PLCB4: variants seen among roughly 807,000 people sequenced by gnomAD.
PLCB4 encodes the protein 1-phosphatidylinositol 4,5-bisphosphate phosphodiesterase beta-4.
A neutral mutation model predicts 178.8 loss-of-function variants in PLCB4; 77 were observed. That is an observed-to-expected ratio of 0.43 (90% CI 0.36 to 0.52). PLCB4 has a LOEUF of 0.52. Ranked by LOEUF, PLCB4 falls within the 20% of genes least tolerant of loss-of-function variation. The pLI is 0.00. For synonymous variants in PLCB4, 496 were observed against 490.8 expected (o/e 1.01, Z -0.14); for missense variants, 1,024 against 1,453.4 (o/e 0.70, Z 4.80).
chr20:9,252,850 C>A (rs553279050), intron 3 of PLCB4, among the ~76,000 whole-genome samples: 16 of 152,210 alleles, frequency 1.1e-4, no homozygotes, highest in African/African-American at 3.4e-4. Context: ...GGTTCTCAGG[C>A]CTTTGCACTT....
At chr20:9,456,037 T>C (rs2276482) in intron 33 of PLCB4, among the ~76,000 whole-genome samples, 30,299 of 152,134 alleles carry the variant, frequency 0.2, 3,276 homozygotes, top group East Asian at 0.36. Context: ...GGTTTCACCA[T>C]GTTGGCCAGG....
At chr20:9,169,174 CTTTAT>C (rs1256247512) in intron 2 of PLCB4, among the ~76,000 whole-genome samples, 1 of 152,146 alleles carries the variant, frequency 6.6e-6, no homozygotes, top group Non-Finnish European at 1.5e-5. Flanking sequence ...AATATAGAAA[CTTTAT>C]TTGTGAGGAG....
intron 25 of PLCB4, 54 bp downstream of exon 25, chr20:9,411,142 G>T: frequency 8.5e-7 from 1 of 1,180,670 alleles, no homozygotes. Context: ...CCATACTACA[G>T]CTCTAATGAA....
chr20:9,413,696 T>C (rs2040035031), intron 25 of PLCB4, among the ~76,000 whole-genome samples: 1 of 151,390 alleles, frequency 6.6e-6, no homozygotes, highest in South Asian at 2.1e-4. Context: ...AATCCTATGT[T>C]GTTTGTTTTT....
chr20:9,082,565 G>C (rs1016725433), intron 1 of PLCB4, among the ~76,000 whole-genome samples: 1 of 152,152 alleles, frequency 6.6e-6, no homozygotes, highest in African/African-American at 2.4e-5. Flanking sequence ...TTAATTATTA[G>C]ATATATCATT....
chr20:9,240,912 A>G (rs1011993065), intron 3 of PLCB4, among the ~76,000 whole-genome samples: 2 of 152,090 alleles, frequency 1.3e-5, no homozygotes, highest in African/African-American at 4.8e-5. Context: ...CATGGTACAC[A>G]CCAGAACTTT....
intron 7 of PLCB4, among the ~76,000 whole-genome samples, chr20:9,349,408 AT>A (rs1414644431): frequency 2.0e-5 from 3 of 152,180 alleles, no homozygotes; most frequent in Non-Finnish European, 2.9e-5. Context: ...GCATTTTATT[AT>A]ATGAATTTTC....
chr20:9,271,404 A>T lies in PLCB4; in HGVS notation c.-15-36396A>T, dbSNP rs183757241. 3.3e-5 allele frequency among the ~76,000 whole-genome samples: 5 copies of T among 152,266 alleles called. No individual in the cohort carries two copies. The East Asian group carries it at 9.7e-4, about 29-fold the overall frequency. On this transcript the variant is annotated intron_variant, in intron 3 of 39. Coordinates refer to ENST00000378473, the MANE Select transcript of PLCB4 (RefSeq NM_001377142.1). ...TTAACAGTTAAGGAAGCTGAAGTTG[A>T]AAGAAGTTAGTTACCATTCCCAGGA...
chr20:9,204,689 T>C (rs1367138079), intron 2 of PLCB4, among the ~76,000 whole-genome samples: 1 of 152,056 alleles, frequency 6.6e-6, no homozygotes, highest in Admixed American at 6.6e-5. Flanking sequence ...TATGAACCAG[T>C]GACGTAAGAA....
chr20:9,077,188 G>C (rs541520054), intron 1 of PLCB4, among the ~76,000 whole-genome samples: 2 of 152,110 alleles, frequency 1.3e-5, no homozygotes, highest in Non-Finnish European at 2.9e-5. Flanking sequence ...TTGATAGTAC[G>C]GATGTACTGT....
chr20:9,128,775 A>G (rs947142217), intron 2 of PLCB4, among the ~76,000 whole-genome samples: 4 of 152,152 alleles, frequency 2.6e-5, no homozygotes, highest in African/African-American at 9.7e-5. Context: ...CATCTCCAGA[A>G]CTTTTTCATT....
chr20:9,333,305 A>T (rs2031970595), intron 4 of PLCB4, among the ~76,000 whole-genome samples: 7 of 152,100 alleles, frequency 4.6e-5, no homozygotes, highest in African/African-American at 1.7e-4. Context: ...CAGTCAGTAA[A>T]TCAAGGATCA....
chr20:9,191,345 A>ATTTTTT (rs71184136), intron 2 of PLCB4, among the ~76,000 whole-genome samples: 13 of 58,858 alleles, frequency 2.2e-4, no homozygotes, highest in South Asian at 7.7e-4. Context: ...CTAGATAGGC[A>ATTTTTT]TTTTTTTTTT....
chr20:9,302,084 A>G (rs2094711823), intron 3 of PLCB4, among the ~76,000 whole-genome samples: 1 of 152,044 alleles, frequency 6.6e-6, no homozygotes, highest in African/African-American at 2.4e-5. Context: ...GAGACAATTA[A>G]ACCTTGAAAT....
At chr20:9,313,246 C>G (rs1339665624) in intron 4 of PLCB4, among the ~76,000 whole-genome samples, 1 of 152,140 alleles carries the variant, frequency 6.6e-6, no homozygotes, top group Non-Finnish European at 1.5e-5. Context: ...AGTTTTTCAA[C>G]TTTTATAATC....
Position 9,300,910 on chromosome 20 carries a change from C to G in PLCB4, c.-15-6890C>G, listed in dbSNP as rs533405497. Among the ~76,000 whole-genome samples, 5 of 152,118 alleles carry G rather than the reference C, an allele frequency of 3.3e-5. No homozygotes were observed. The South Asian group carries it at 1.0e-3, about 32-fold the overall frequency. On this transcript the variant is annotated intron_variant, in intron 3 of 39. Coordinates refer to ENST00000378473, the MANE Select transcript of PLCB4 (RefSeq NM_001377142.1). ...TGGCTGAAAGTAACCAAAATTTATT[C>G]TGTCACAGTTCTCGAGGCCAGACGT...
At chr20:9,381,626 A>G (rs1383587696) in intron 13 of PLCB4, among the ~76,000 whole-genome samples, 2 of 152,184 alleles carry the variant, frequency 1.3e-5, no homozygotes, top group African/African-American at 4.8e-5. Flanking sequence ...GACACATCTA[A>G]AAAGGGTAGC....
At chr20:9,229,075 A>G (rs2093902016) in intron 3 of PLCB4, among the ~76,000 whole-genome samples, 1 of 152,210 alleles carries the variant, frequency 6.6e-6, no homozygotes, top group Admixed American at 6.5e-5. Flanking sequence ...GAGAGTGCCT[A>G]AGACATTGTG....
chr20:9,095,292 G>A (rs531273274), intron 1 of PLCB4, among the ~76,000 whole-genome samples: 3 of 152,304 alleles, frequency 2.0e-5, no homozygotes, highest in African/African-American at 7.2e-5. Context: ...CTGGACTGTG[G>A]TCTCCTTGAA....
Sources: gnomAD v4.1 joint callset for allele counts (sites outside exome capture counted in the v4.1 genomes callset) on GRCh38, gnomAD v4.1.1 for gene constraint, MANE v1.5 for transcripts, NCBI Gene and HGNC (gene_info 2026-07-23, HGNC 2026-07-21) for gene names.